Variants in ELOVL2 observed in about 807,000 individuals in gnomAD.
ELOVL2 encodes the protein very long chain fatty acid elongase 2.
ELOVL2 carries 38 observed loss-of-function variants against 37.7 expected under a neutral mutation model. That is an observed-to-expected ratio of 1.01 (90% confidence interval 0.78 to 1.32). ELOVL2 has a LOEUF of 1.32. Among genes scored for constraint, ELOVL2 ranks in the 40% most tolerant of loss-of-function variants. The pLI is 0.00. For synonymous variants in ELOVL2, 115 were observed against 122.3 expected, an observed-to-expected ratio of 0.94 and a Z score of 0.40; for missense variants, 352 against 363.6, an observed-to-expected ratio of 0.97 and a Z score of 0.26.
At position 11,005,345 on chromosome 6, in the gene ELOVL2, T is replaced by A. The variant is rs761289798; in HGVS notation, c.255+27A>T. On this transcript the variant is annotated intron_variant, in intron 3 of 7. Coordinates refer to ENST00000354666, the MANE Select transcript of ELOVL2 (RefSeq NM_017770.4). ...TAATAAAAACTGCTAGTTACTGGAC[T>A]TCAGCTTTGGCTACATAAACACTTA... 5 of 1,594,724 alleles carry A rather than the reference T, an allele frequency of 3.1e-6. No individual in the cohort carries two copies. In the African/African-American group the frequency reaches 6.7e-5, roughly 21 times the overall value.
chr6:11,041,277 A>G (rs79969769), intron 1 of ELOVL2, among the ~76,000 whole-genome samples: 2,636 of 152,306 alleles, frequency 0.017, 64 homozygotes, highest in African/African-American at 0.059. Flanking sequence ...TTTTCTGAAC[A>G]TAACTAGATA....
At chr6:11,030,912 A>G (rs1782921349) in intron 1 of ELOVL2, among the ~76,000 whole-genome samples, 1 of 152,234 alleles carries the variant, frequency 6.6e-6, no homozygotes. Context: ...CTGTTCATTC[A>G]TCAGATATAA....
chr6:11,010,545 A>C (rs965997887), intron 2 of ELOVL2, among the ~76,000 whole-genome samples: 2 of 152,214 alleles, frequency 1.3e-5, no homozygotes, highest in African/African-American at 4.8e-5. Flanking sequence ...GAACTTCTTT[A>C]ATCCCAGGAG....
chr6:10,981,085 C>T lies in ELOVL2; in HGVS notation c.*2696G>A, dbSNP rs554404200. 2.6e-5 allele frequency: 4 copies of T among 152,230 alleles called. No homozygotes were observed. In the South Asian group the frequency reaches 8.3e-4, roughly 32 times the overall value. 9.4% of individuals were successfully genotyped at this position (152,230 alleles called of 1,614,324 possible). ...CTCAAATGCAGGGGTGAGGACTTTACCCCGTAACATGCCTAAGTGGTTCGA... is the reference window on the plus strand; with the variant it reads ...CTCAAATGCAGGGGTGAGGACTTTATCCCGTAACATGCCTAAGTGGTTCGA... On this transcript the variant is annotated 3_prime_UTR_variant, in exon 8 of 8. Coordinates refer to ENST00000354666, the MANE Select transcript of ELOVL2 (RefSeq NM_017770.4).
In ELOVL2 at chr6:10,985,663, C is replaced by A. The variant is rs1246833493; in HGVS notation, c.766-1757G>T. Among the ~76,000 whole-genome samples the A allele has an allele frequency of 1.5e-4, 22 of 151,642 alleles. No individual in the cohort carries two copies. The East Asian group carries it at 4.3e-3, about 29-fold the overall frequency. On this transcript the variant is annotated intron_variant, in intron 7 of 7. Coordinates refer to ENST00000354666, the MANE Select transcript of ELOVL2 (RefSeq NM_017770.4). Reference sequence around the variant, plus strand: ...GTCAAAGATCAGATAGTTGTAGATACGCAGCATTATTTCTGAGGGCTCTGT... The same window carrying A: ...GTCAAAGATCAGATAGTTGTAGATAAGCAGCATTATTTCTGAGGGCTCTGT...
intron 2 of ELOVL2, among the ~76,000 whole-genome samples, chr6:11,006,243 A>G (rs564522893): frequency 1.3e-5 from 2 of 152,308 alleles, no homozygotes; most frequent in South Asian, 2.1e-4. Context: ...AGAACTGAGG[A>G]CCCAGATCTG....
At chr6:10,992,093 T>C (rs1047966066) in intron 5 of ELOVL2, among the ~76,000 whole-genome samples, 2 of 152,214 alleles carry the variant, frequency 1.3e-5, no homozygotes, top group African/African-American at 4.8e-5. Flanking sequence ...CTAATATTGA[T>C]TATAGTTGTC....
intron 1 of ELOVL2, among the ~76,000 whole-genome samples, chr6:11,013,868 C>CAAAAAA (rs57378623): frequency 7.3e-6 from 1 of 136,784 alleles, no homozygotes. Context: ...CTCCACAAAG[C>CAAAAAA]AAAAAAAAAA....
At chr6:11,029,628 C>T (rs752390153) in intron 1 of ELOVL2, among the ~76,000 whole-genome samples, 21 of 152,094 alleles carry the variant, frequency 1.4e-4, no homozygotes, top group Non-Finnish European at 2.9e-4. Flanking sequence ...CTTCATTAAT[C>T]AGTGCTTGTC....
At chr6:10,998,497 G>A (rs531059499) in intron 4 of ELOVL2, among the ~76,000 whole-genome samples, 3 of 152,156 alleles carry the variant, frequency 2.0e-5, no homozygotes, top group Admixed American at 6.5e-5. Flanking sequence ...GTAACAATAA[G>A]AGCTTTTACA....
At chr6:10,996,826 A>G (rs1375521807) in intron 4 of ELOVL2, among the ~76,000 whole-genome samples, 3 of 151,462 alleles carry the variant, frequency 2.0e-5, no homozygotes, top group African/African-American at 7.3e-5. Context: ...CCTGGTTAAC[A>G]TGGTGAAACC....
chr6:11,008,282 C>T (rs747299669), intron 2 of ELOVL2, among the ~76,000 whole-genome samples: 1 of 152,190 alleles, frequency 6.6e-6, no homozygotes, highest in Non-Finnish European at 1.5e-5. Context: ...CATAAAATGA[C>T]CAATGCAGAG....
intron 1 of ELOVL2, among the ~76,000 whole-genome samples, chr6:11,042,721 C>G (rs1488210878): frequency 6.6e-6 from 1 of 151,932 alleles, no homozygotes; most frequent in Non-Finnish European, 1.5e-5. Flanking sequence ...TCCCTCCTGT[C>G]GGGAGTATCT....
chr6:10,987,224 T>C (rs553806739), intron 7 of ELOVL2, among the ~76,000 whole-genome samples: 2 of 152,362 alleles, frequency 1.3e-5, no homozygotes, highest in African/African-American at 4.8e-5. Context: ...TTGCATCTAT[T>C]TGATTCTTCT....
chr6:11,043,211 C>G (rs568150872), intron 1 of ELOVL2, among the ~76,000 whole-genome samples: 1 of 152,164 alleles, frequency 6.6e-6, no homozygotes, highest in African/African-American at 2.4e-5. Context: ...TTAACAAGTC[C>G]TGAAGTGGAG....
intron 4 of ELOVL2, among the ~76,000 whole-genome samples, chr6:10,998,914 C>A (rs1782323092): frequency 6.6e-6 from 1 of 152,140 alleles, no homozygotes; most frequent in Non-Finnish European, 1.5e-5. Context: ...TTGAATCTAT[C>A]ATTAATGAGT....
In ELOVL2 at chr6:11,010,739, C is replaced by T. The variant is rs917130029; in HGVS notation, c.67+7G>A. ...TTCCACATTAAGTTCTCAAGTAATTCACTGACCTCGCGGTCCAAACATATT... is the reference window on the plus strand; with the variant it reads ...TTCCACATTAAGTTCTCAAGTAATTTACTGACCTCGCGGTCCAAACATATT... On this transcript the variant is annotated splice_region_variant and intron_variant, in intron 2 of 7. Transcript: ENST00000354666. 1.2e-6 allele frequency: 2 copies of T among 1,610,470 alleles called. No individual in the cohort carries two copies. Among genetic ancestry groups the T allele is most frequent in the Admixed American group, 1.7e-5 (1 of 59,864 alleles).
At chr6:11,007,251 T>A (rs551145451) in intron 2 of ELOVL2, among the ~76,000 whole-genome samples, 2 of 152,370 alleles carry the variant, frequency 1.3e-5, no homozygotes, top group African/African-American at 4.8e-5. Context: ...CTTCAAGTCC[T>A]AACTCCTGGT....
Position 11,005,383 on chromosome 6 carries a change from T to A in ELOVL2, c.244A>T (p.Met82Leu). Residue 82 changes from methionine to leucine, a missense_variant, in exon 3 of 8, where the codon ATG becomes TTG. Met to Leu is a conservative substitution (Grantham distance 15). Transcript: ENST00000354666. Reference protein sequence around the residue: ...NLGITLLSAYMLAELILSTWE... With the variant: ...NLGITLLSAYLLAELILSTWE... ...ACATAAACACTTACCTCTGCCAGCA[T>A]GTACGCGGAGAGAAGTGTGATTCCA... is the stretch of plus-strand genomic sequence containing the variant. 6.2e-7 allele frequency: 1 copy of A among 1,612,958 alleles called. No individual in the cohort carries two copies. Among genetic ancestry groups the A allele is most frequent in the South Asian group, 1.1e-5 (1 of 90,672 alleles).
Sources: gnomAD v4.1 joint callset for allele counts (sites outside exome capture counted in the v4.1 genomes callset) on GRCh38, gnomAD v4.1.1 for gene constraint, MANE v1.5 for transcripts, NCBI Gene and HGNC (gene_info 2026-07-23, HGNC 2026-07-21) for gene names.